Variants in PCDHA5 observed in about 807,000 individuals in gnomAD.
PCDHA5 encodes protocadherin alpha 5, also known as protocadherin alpha-5.
PCDHA5 carries 43 observed loss-of-function variants against 61.6 expected under a neutral mutation model. The ratio of observed to expected loss-of-function variants is 0.70; its 90% CI spans 0.55 to 0.90. The LOEUF is 0.90. Among genes scored for constraint, PCDHA5 ranks in the 40% least tolerant of loss-of-function variants. The pLI is 0.00. For missense variants in PCDHA5, 1,298 were observed against 1,222.7 expected, an observed-to-expected ratio of 1.06 and a Z score of -0.92; for synonymous variants, 627 against 543.9, an observed-to-expected ratio of 1.15 and a Z score of -2.13.
In PCDHA5 at chr5:140,823,284, G is replaced by A. The variant is rs1319808808; in HGVS notation, c.1509G>A (p.Leu503=). ...LVERRVGERP[L]SSYVSVHAES... ...AGCGGCGGGTGGGCGAGCGCCCGCTGTCGAGTTACGTTTCGGTGCACGCGG... is the reference window on the plus strand; with the variant it reads ...AGCGGCGGGTGGGCGAGCGCCCGCTATCGAGTTACGTTTCGGTGCACGCGG... The change falls in exon 1 of 4, where the codon CTG becomes CTA. Residue 503 remains leucine, a synonymous_variant. Transcript: ENST00000529859. 6.2e-7 allele frequency: 1 copy of A among 1,612,332 alleles called. No individual in the cohort carries two copies. The highest frequency in any genetic ancestry group is 1.7e-5 in the Admixed American group (1 of 59,986).
chr5:140,941,214 C>CCTTTCTTT lies in PCDHA5; in HGVS notation c.2353-37700_2353-37693dup, dbSNP rs60032403. On this transcript the variant is annotated intron_variant, in intron 1 of 3. Coordinates refer to ENST00000529859, the MANE Select transcript of PCDHA5 (RefSeq NM_018908.3). ...TTTTTTCTTTCTTCCTTTCTTTCTTCCTTTCTTTCTTTCTTTCTTTCTTTC... is the reference window on the plus strand; with the variant it reads ...TTTTTTCTTTCTTCCTTTCTTTCTTCCTTTCTTTCTTTCTTTCTTTCTTTCTTTCTTTC... Among the ~76,000 whole-genome samples, 464 of 122,456 alleles carry CCTTTCTTT rather than the reference C, an allele frequency of 3.8e-3. 7 individuals are homozygous for CCTTTCTTT. The highest frequency in any genetic ancestry group is 0.025 in the Middle Eastern group (6 of 238). 80.3% of individuals were successfully genotyped at this position (122,456 alleles called of 152,430 possible).
At chr5:140,968,355 G>A in intron 1 of PCDHA5, 1 of 1,614,080 alleles carries the variant, frequency 6.2e-7, no homozygotes, top group South Asian at 1.1e-5. Context: ...GCCAGTGGCA[G>A]CCTTTATGCT....
intron 1 of PCDHA5, chr5:140,966,502 G>GGCAGCA (rs2096011406): frequency 6.9e-6 from 3 of 433,776 alleles, no homozygotes; most frequent in Non-Finnish European, 1.2e-5. Context: ...GAGCTGTAGC[G>GGCAGCA]GCAGCAGCAG....
rs193007351 is a variant in PCDHA5 at position 140,836,957 on chromosome 5, G to A, written c.2352+12830G>A. The A allele has an allele frequency of 4.7e-4, 193 of 414,742 alleles. 3 individuals carry two copies. In the East Asian group the frequency reaches 5.2e-3, roughly 11 times the overall value. The allele number at this position is 414,742 out of a possible 1,614,324, so 25.7% of individuals were successfully genotyped here. On this transcript the variant is annotated intron_variant, in intron 1 of 3. Coordinates refer to ENST00000529859, the MANE Select transcript of PCDHA5 (RefSeq NM_018908.3). ...CTATAGATCAAAATCTATGGTTTATGTTGGCTACTCTCCATTTTTGGAGGA... is the reference window on the plus strand; with the variant it reads ...CTATAGATCAAAATCTATGGTTTATATTGGCTACTCTCCATTTTTGGAGGA...
chr5:140,843,200 T>C (rs1554139863), intron 1 of PCDHA5: 1 of 1,595,954 alleles, frequency 6.3e-7, no homozygotes, highest in Non-Finnish European at 8.6e-7. Context: ...CGTGGGGCTG[T>C]ACACGGGCGA....
At position 140,863,955 on chromosome 5, in the gene PCDHA5, T is replaced by C. The variant is rs181544244; in HGVS notation, c.2352+39828T>C. 570 of 158,126 alleles carry C rather than the reference T, an allele frequency of 3.6e-3. 3 individuals carry two copies. The highest frequency in any genetic ancestry group is 0.014 in the Middle Eastern group (4 of 294). The allele number at this position is 158,126 out of a possible 1,614,324, so 9.8% of individuals were successfully genotyped here. ...GGCAGAGGTTGCGGTGAGCCTAGAT[T>C]AGGCCACTGCACTACAGCCTGGGAG... is the stretch of plus-strand genomic sequence containing the variant. On this transcript the variant is annotated intron_variant, in intron 1 of 3. Coordinates refer to ENST00000529859, the MANE Select transcript of PCDHA5 (RefSeq NM_018908.3).
intron 1 of PCDHA5, chr5:140,834,234 C>T: frequency 1.3e-6 from 1 of 766,094 alleles, no homozygotes; most frequent in Non-Finnish European, 2.1e-6. Context: ...GGAAGTCATT[C>T]CTTTTCGCAC....
At chr5:140,871,113 G>A (rs782238733) in intron 1 of PCDHA5, 24 of 1,613,188 alleles carry the variant, frequency 1.5e-5, no homozygotes, top group South Asian at 7.7e-5. Flanking sequence ...CGTTGGTGGA[G>A]AGCGGACAGG....
At chr5:140,867,294 T>C (rs987236296) in intron 1 of PCDHA5, 3 of 152,152 alleles carry the variant, frequency 2.0e-5, no homozygotes, top group African/African-American at 7.2e-5. Flanking sequence ...TCAAATATCA[T>C]GTTGAATATA....
chr5:140,969,586 C>A lies in PCDHA5; in HGVS notation c.2353-9363C>A. The A allele has an allele frequency of 3.4e-6, 3 of 894,952 alleles. No homozygotes were observed. In the Admixed American group the frequency reaches 9.0e-5, roughly 27 times the overall value. The allele number at this position is 894,952 out of a possible 1,614,324, so 55.4% of individuals were successfully genotyped here. A position where few individuals can be genotyped will look rare whatever the true frequency, so the allele number is the denominator to read the frequency against. ...AATTGTTTGAGAAGTGAGGATTAGT[C>A]TTAATATTTAATGCTAAAACACAGA... On this transcript the variant is annotated intron_variant, in intron 1 of 3. Transcript: ENST00000529859.
intron 1 of PCDHA5, among the ~76,000 whole-genome samples, chr5:140,837,942 G>T (rs1554136705): frequency 2.0e-5 from 3 of 151,768 alleles, no homozygotes; most frequent in Admixed American, 1.3e-4. Flanking sequence ...GCCTCCCAAA[G>T]TATTGGGATT....
intron 1 of PCDHA5, chr5:140,848,946 C>G (rs2150425951): frequency 1.2e-6 from 2 of 1,607,130 alleles, no homozygotes; most frequent in African/African-American, 2.7e-5. Context: ...GCTTGACTCT[C>G]GGTTTCCACT....
Position 140,959,365 on chromosome 5 carries a change from C to A in PCDHA5, c.2353-19584C>A, listed in dbSNP as rs77362755. On this transcript the variant is annotated intron_variant, in intron 1 of 3. Transcript: ENST00000529859. ...ACTCCAGCGGGACAACTGAGTGAGA[C>A]CCTGTCTCAAAAAAAAAAGTCACAA... Among the ~76,000 whole-genome samples the A allele has an allele frequency of 1.0e-3, 158 of 151,880 alleles. 5 individuals carry two copies. In the East Asian group the frequency reaches 0.028, roughly 27 times the overall value.
In PCDHA5 at chr5:140,981,687, ATCATTCATTCAT is replaced by A. The variant is rs200213847; in HGVS notation, c.2412-771_2412-760del. Among the ~76,000 whole-genome samples the A allele has an allele frequency of 3.0e-3, 453 of 152,088 alleles. 7 individuals are homozygous for A. In the East Asian group the frequency reaches 0.044, roughly 15 times the overall value. Reference sequence around the variant, plus strand: ...CTTCCTTTCTTCCTTCCTCCCTTCCATCATTCATTCATTCATTCATTCATTCATCCAACAAAT... The same window carrying A: ...CTTCCTTTCTTCCTTCCTCCCTTCCATCATTCATTCATTCATCCAACAAAT... On this transcript the variant is annotated intron_variant, in intron 2 of 3. Transcript: ENST00000529859.
Position 140,856,266 on chromosome 5 carries a change from T to C in PCDHA5, c.2352+32139T>C, listed in dbSNP as rs1581394564. On this transcript the variant is annotated intron_variant, in intron 1 of 3. Coordinates refer to ENST00000529859, the MANE Select transcript of PCDHA5 (RefSeq NM_018908.3). ...GTGGCGTCCAAAAGACACGGGGACC[T>C]TCTGGAGGTAAATCTGCAGAATGGC... 7 of 1,598,200 alleles carry C rather than the reference T, an allele frequency of 4.4e-6. No homozygotes were observed. The East Asian group carries it at 1.6e-4, about 36-fold the overall frequency.
chr5:140,852,028 T>A, intron 1 of PCDHA5: 1 of 943,108 alleles, frequency 1.1e-6, no homozygotes, highest in Non-Finnish European at 1.3e-6. Context: ...AAACTTCGCT[T>A]ATTGAGTTTT....
intron 1 of PCDHA5, among the ~76,000 whole-genome samples, chr5:140,945,540 CA>C (rs1330025999): frequency 1.3e-5 from 2 of 151,706 alleles, no homozygotes; most frequent in African/African-American, 2.4e-5. Flanking sequence ...AACATACAAA[CA>C]AAAAAATGAA....
chr5:140,898,147 C>G (rs2066556304), intron 1 of PCDHA5, among the ~76,000 whole-genome samples: 1 of 152,150 alleles, frequency 6.6e-6, no homozygotes, highest in Non-Finnish European at 1.5e-5. Context: ...GTTGCCTGTT[C>G]ACGCTGATGG....
chr5:140,832,930 G>A (rs2150205198), intron 1 of PCDHA5, among the ~76,000 whole-genome samples: 32 of 152,268 alleles, frequency 2.1e-4, no homozygotes, highest in African/African-American at 7.7e-4. Flanking sequence ...GTATTCATGA[G>A]AAGAGAGTAA....
Sources: gnomAD v4.1 joint callset for allele counts (sites outside exome capture counted in the v4.1 genomes callset) on GRCh38, gnomAD v4.1.1 for gene constraint, MANE v1.5 for transcripts, NCBI Gene and HGNC (gene_info 2026-07-23, HGNC 2026-07-21) for gene names.